Variants in USP40 observed in about 807,000 individuals in gnomAD.
The protein encoded by USP40 is ubiquitin specific peptidase 40.
A neutral mutation model predicts 166.2 loss-of-function variants in USP40; 143 were observed. The observed-to-expected ratio is 0.86, with a 90% CI of 0.75 to 0.99. The LOEUF (loss-of-function observed/expected upper bound fraction) is 0.99, where lower values mean the gene tolerates loss of function less well. Among genes scored for constraint, USP40 ranks in the 50% least tolerant of loss-of-function variants. The pLI is 0.00. For synonymous variants in USP40, 498 were observed against 524.0 expected, an observed-to-expected ratio of 0.95 and a Z score of 0.68; for missense variants, 1,444 against 1,479.7, an observed-to-expected ratio of 0.98 and a Z score of 0.40.
At position 233,562,809 on chromosome 2, in the gene USP40, G is replaced by C. The variant is rs571009841; in HGVS notation, c.200-6C>G. On this transcript the variant is annotated splice_region_variant and splice_polypyrimidine_tract_variant and intron_variant, in intron 2 of 31. Transcript: ENST00000678225. ...GCCAAGAGAAAATAGAGCTTCTAAA[G>C]AAAAAGGTAGAATCAGAGATGCAAA... 1 of 1,518,404 alleles carries C rather than the reference G, an allele frequency of 6.6e-7. No homozygotes were observed. The highest frequency in any genetic ancestry group is 1.4e-5 in the African/African-American group (1 of 71,306). The allele number at this position is 1,518,404 out of a possible 1,614,324, so 94.1% of individuals were successfully genotyped here. A position where few individuals can be genotyped will look rare whatever the true frequency, so the allele number is the denominator to read the frequency against.
intron 15 of USP40, 146 bp from the exon 16 acceptor site, chr2:233,523,635 G>GAAC (rs1209592036): frequency 3.9e-6 from 3 of 764,408 alleles, no homozygotes. Context: ...AGCATCAGAG[G>GAAC]AACAACTTCA....
chr2:233,507,219 C>G (rs1287241195), intron 21 of USP40, among the ~76,000 whole-genome samples: 2 of 152,088 alleles, frequency 1.3e-5, no homozygotes, highest in Non-Finnish European at 2.9e-5. Flanking sequence ...TATGCACTGT[C>G]GGTGAGACTG....
chr2:233,531,890 T>C (rs1431631768), intron 11 of USP40, among the ~76,000 whole-genome samples: 1 of 152,182 alleles, frequency 6.6e-6, no homozygotes, highest in Non-Finnish European at 1.5e-5. Flanking sequence ...ATGCCTGTAA[T>C]CCCAGTGAGG....
At chr2:233,500,042 G>T (rs1026755725) in intron 21 of USP40, 127 bp from the exon 22 acceptor site, 1 of 694,854 alleles carries the variant, frequency 1.4e-6, no homozygotes, top group Non-Finnish European at 2.3e-6. Context: ...AATAGGCAAG[G>T]ATAGACATAG....
chr2:233,493,420 C>T lies in USP40; in HGVS notation c.2917+5G>A. The T allele has an allele frequency of 1.2e-6, 2 of 1,613,972 alleles. No homozygotes were observed. Among genetic ancestry groups the T allele is most frequent in the Non-Finnish European group, 1.7e-6 (2 of 1,179,876 alleles). On this transcript the variant is annotated splice_donor_5th_base_variant and intron_variant, in intron 25 of 31. Transcript: ENST00000678225. This position sits in a 1 kb window ranked among gnomAD's most constrained non-coding sequence, Gnocchi z 4.7. The stretch of plus-strand genomic sequence containing the variant: ...CTGGCTGCTGAAATCCCATTCTGTT[C>T]TCACCTTGGCTGGAAGTGGCTCTCC...
intron 31 of USP40, 102 bp from the exon 32 acceptor site, chr2:233,477,605 A>C (rs1390808136): frequency 2.0e-6 from 2 of 999,136 alleles, no homozygotes; most frequent in Non-Finnish European, 3.0e-6. Flanking sequence ...ATAGGCCACA[A>C]GGACGTGCAT....
chr2:233,533,398 G>T, intron 11 of USP40, 81 bp downstream of exon 11: 4 of 1,403,412 alleles, frequency 2.9e-6, no homozygotes, highest in Non-Finnish European at 3.9e-6. Context: ...TTTTTTAAAA[G>T]AATAAAAATT....
At chr2:233,535,544 G>A (rs2068870341) in intron 10 of USP40, among the ~76,000 whole-genome samples, 2 of 152,144 alleles carry the variant, frequency 1.3e-5, no homozygotes, top group African/African-American at 4.8e-5. Context: ...CCATGACCCA[G>A]GGCTAAGCTA....
intron 17 of USP40, among the ~76,000 whole-genome samples, chr2:233,520,298 C>T (rs1457305775): frequency 6.6e-6 from 1 of 152,066 alleles, no homozygotes; most frequent in Non-Finnish European, 1.5e-5. Flanking sequence ...TCACCAAAGT[C>T]TCTCACTTAG....
intron 7 of USP40, 51 bp downstream of exon 7, chr2:233,551,325 T>G: frequency 6.5e-7 from 1 of 1,544,250 alleles, no homozygotes; most frequent in Non-Finnish European, 8.7e-7. Flanking sequence ...CAATAATAGA[T>G]TCAATCTTGA....
Position 233,565,592 on chromosome 2 carries a change from T to C in USP40, c.-19-19A>G, listed in dbSNP as rs990630948. The C allele has an allele frequency of 6.6e-7, 1 of 1,514,198 alleles. No homozygotes were observed. Among genetic ancestry groups the C allele is most frequent in the Middle Eastern group, 1.7e-4 (1 of 5,850 alleles). 93.8% of individuals were successfully genotyped at this position (1,514,198 alleles called of 1,614,324 possible). A position where few individuals can be genotyped will look rare whatever the true frequency, so the allele number is the denominator to read the frequency against. Reference sequence around the variant, plus strand: ...TACTACCCTTAAAAAAAGTGACATATAAATGCTTTTATTTTTAAAATAAAT... The same window carrying C: ...TACTACCCTTAAAAAAAGTGACATACAAATGCTTTTATTTTTAAAATAAAT... On this transcript the variant is annotated intron_variant, in intron 1 of 31. Coordinates refer to ENST00000678225, the MANE Select transcript of USP40 (RefSeq NM_001365479.2).
At chr2:233,498,304 C>T (rs1034124359) in intron 23 of USP40, among the ~76,000 whole-genome samples, 1 of 152,134 alleles carries the variant, frequency 6.6e-6, no homozygotes, top group African/African-American at 2.4e-5. Context: ...ATGAACTGCT[C>T]CTCCTAGAGG....
chr2:233,556,999 C>A lies in USP40; in HGVS notation c.402G>T (p.Val134=). ...TSNEEMRQHD[V]QELNRILFSA... ...TGAAGAGGATTCGATTCAGTTCCTG[C>A]ACATCATGTTGCCTCATTTCCTACA... is the stretch of plus-strand genomic sequence containing the variant. Residue 134 remains valine (V), a synonymous_variant, in exon 5 of 32, where the codon GTG becomes GTT. Transcript: ENST00000678225. The A allele has an allele frequency of 6.2e-7, 1 of 1,612,622 alleles. No individual in the cohort carries two copies.
chr2:233,509,219 G>A (rs1317613611), intron 21 of USP40, among the ~76,000 whole-genome samples: 2 of 152,146 alleles, frequency 1.3e-5, no homozygotes, highest in Non-Finnish European at 2.9e-5. Context: ...AGCTCATTCA[G>A]ATTTTTCTAT....
chr2:233,480,116 C>T lies in USP40; in HGVS notation c.3599+1087G>A, dbSNP rs550833094. 1.1e-4 allele frequency among the ~76,000 whole-genome samples: 17 copies of T among 152,296 alleles called. No homozygotes were observed. The South Asian group carries it at 1.7e-3, about 15-fold the overall frequency. On this transcript the variant is annotated intron_variant, in intron 31 of 31. Transcript: ENST00000678225. This position sits in a 1 kb window ranked among gnomAD's most constrained non-coding sequence, Gnocchi z 4.5. ...CACTTCTGCCATGGTCACGAGGTCA[C>T]GCTCACCTGCCCTGCCACCTCCACC...
rs1167502095 is a variant in USP40, at chr2:233,565,707, T to A, written c.-19-134A>T. 4.9e-5 allele frequency: 37 copies of A among 758,438 alleles called. No individual in the cohort carries two copies. In the Admixed American group the frequency reaches 1.1e-3, roughly 23 times the overall value. 47.0% of individuals were successfully genotyped at this position (758,438 alleles called of 1,614,324 possible). ...ACTGTTTCTATGTACAGTAGTTGGGTTTTGGAGGCAGCAAGATCTAGATTT... is the reference window on the plus strand; with the variant it reads ...ACTGTTTCTATGTACAGTAGTTGGGATTTGGAGGCAGCAAGATCTAGATTT... On this transcript the variant is annotated intron_variant, in intron 1 of 31. Transcript: ENST00000678225.
intron 18 of USP40, among the ~76,000 whole-genome samples, chr2:233,515,937 G>A (rs2067157362): frequency 6.6e-6 from 1 of 152,154 alleles, no homozygotes; most frequent in Non-Finnish European, 1.5e-5. Flanking sequence ...TTGAAAAAAT[G>A]CTATCTCTCT....
Position 233,508,668 on chromosome 2 carries a change from G to A in USP40, c.2613+1381C>T, listed in dbSNP as rs575149534. Among the ~76,000 whole-genome samples, 6 of 152,072 alleles carry A rather than the reference G, an allele frequency of 3.9e-5. No individual in the cohort carries two copies. In the East Asian group the frequency reaches 1.2e-3, roughly 29 times the overall value. On this transcript the variant is annotated intron_variant, in intron 21 of 31. Coordinates refer to ENST00000678225, the MANE Select transcript of USP40 (RefSeq NM_001365479.2). ...TTGAAAAAATGTAAAATTCTAAAATGCCTTCATTTATTAGTTGGAATATGT... is the reference window on the plus strand; with the variant it reads ...TTGAAAAAATGTAAAATTCTAAAATACCTTCATTTATTAGTTGGAATATGT...
chr2:233,496,310 C>T (rs2065749558), intron 24 of USP40, among the ~76,000 whole-genome samples: 2 of 152,204 alleles, frequency 1.3e-5, no homozygotes, highest in South Asian at 4.1e-4. Flanking sequence ...TCATATGCTA[C>T]TGCATAGAAC....
Sources: gnomAD v4.1 joint callset for allele counts (sites outside exome capture counted in the v4.1 genomes callset) on GRCh38, gnomAD v4.1.1 for gene constraint, Gnocchi (gnomAD v3.1) non-coding constraint, MANE v1.5 for transcripts, NCBI Gene and HGNC (gene_info 2026-07-23, HGNC 2026-07-21) for gene names.